PCNX3: variants seen among roughly 807,000 people sequenced by gnomAD.
PCNX3 encodes the protein pecanex-like protein 3.
A neutral mutation model predicts 207.2 loss-of-function variants in PCNX3; 58 were observed. The ratio of observed to expected loss-of-function variants is 0.28; its 90% CI spans 0.23 to 0.35. PCNX3 has a LOEUF of 0.35. PCNX3 is among the 10% of genes least tolerant of loss of function. PCNX3 has a pLI of 1.00. For synonymous variants in PCNX3, 1,337 were observed against 1,183.5 expected (o/e 1.13, Z -2.66); for missense variants, 2,410 against 2,774.4 (o/e 0.87, Z 2.95).
At position 65,618,735 on chromosome 11, in the gene PCNX3, C is replaced by G. The variant is rs1193851; in HGVS notation, c.1373C>G (p.Ser458Cys). ...SSTSCYSPESSRGAAGGPRKR... is the reference protein window; with the variant it reads ...SSTSCYSPESCRGAAGGPRKR... The stretch of plus-strand genomic sequence containing the variant: ...ACTTCCTGCTACTCCCCTGAGAGCT[C>G]CCGGGGTGCAGCAGGGGGACCCCGG... Residue 458 changes from serine to cysteine, a missense_variant, in exon 6 of 35, where the codon TCC becomes TGC. Physicochemically the swap from Ser to Cys is moderately radical, Grantham distance 112 (BLOSUM62 -1). This residue lies in a region of PCNX3 where 1,104 missense variants were observed against 970.3 expected (regional missense o/e 1.14). Coordinates refer to ENST00000355703, the MANE Select transcript of PCNX3 (RefSeq NM_032223.4). 0.32 allele frequency: 516,304 copies of G among 1,611,520 alleles called. 86,521 individuals are homozygous for G. The highest frequency in any genetic ancestry group is 0.35 in the Middle Eastern group (2,145 of 6,058).
chr11:65,625,595 T>A lies in PCNX3; in HGVS notation c.3136-57T>A. On this transcript the variant is annotated intron_variant, in intron 18 of 34. Coordinates refer to ENST00000355703, the MANE Select transcript of PCNX3 (RefSeq NM_032223.4). This position sits in a 1 kb window ranked among gnomAD's most constrained non-coding sequence, Gnocchi z 5.6. ...GAGGGGCATGTCCAGCTTGGGCTGC[T>A]GGGCAGCTGAGTGTCTCTCCTGGCC... 1 of 1,595,760 alleles carries A rather than the reference T, an allele frequency of 6.3e-7. No individual in the cohort carries two copies. Among genetic ancestry groups the A allele is most frequent in the East Asian group, 2.3e-5 (1 of 44,198 alleles).
Position 65,636,435 on chromosome 11 carries a change from C to A in PCNX3, c.5638C>A (p.Arg1880=), listed in dbSNP as rs374348174. ...PLPPGPGWGP[R]SSLSGSGDGR... The stretch of plus-strand genomic sequence containing the variant: ...CCCACCAGGCCCTGGCTGGGGGCCG[C>A]GGTCCTCCCTGAGTGGCTCTGGTGA... The change falls in exon 34 of 35, where the codon CGG becomes AGG. Residue 1880 remains arginine (R), a synonymous_variant. Coordinates refer to ENST00000355703, the MANE Select transcript of PCNX3 (RefSeq NM_032223.4). The A allele has an allele frequency of 3.9e-6, 6 of 1,555,204 alleles. No individual in the cohort carries two copies. Among genetic ancestry groups the A allele is most frequent in the Admixed American group, 3.9e-5 (2 of 50,788 alleles).
intron 27 of PCNX3, among the ~76,000 whole-genome samples, chr11:65,631,683 T>C (rs1439097710): frequency 6.6e-5 from 10 of 151,092 alleles, no homozygotes; most frequent in Non-Finnish European, 1.3e-4. Context: ...TTTTGAGGCT[T>C]GTGGTGCTCA....
chr11:65,636,211 G>A lies in PCNX3; in HGVS notation c.5497G>A (p.Gly1833Arg), dbSNP rs929040245. 3.2e-6 allele frequency: 5 copies of A among 1,583,202 alleles called. No homozygotes were observed. Among genetic ancestry groups the A allele is most frequent in the Admixed American group, 1.8e-5 (1 of 55,198 alleles). The change falls in exon 33 of 35, where the codon GGG becomes AGG. Residue 1833 changes from glycine to arginine, a missense_variant. Gly to Arg is a moderately radical substitution (Grantham distance 125). Around this residue, in one of 8 missense-constraint regions of PCNX3, gnomAD observed 59 missense variants for 83.9 expected, o/e 0.70. Coordinates refer to ENST00000355703, the MANE Select transcript of PCNX3 (RefSeq NM_032223.4). ...KGCGAGCNSG[G>R]NVDDSDCSGG... ...CTGTGGCGCCGGCTGCAATAGTGGCGGGAACGTGGATGATTCAGACTGTAG... is the reference window on the plus strand; with the variant it reads ...CTGTGGCGCCGGCTGCAATAGTGGCAGGAACGTGGATGATTCAGACTGTAG...
chr11:65,619,970 C>G lies in PCNX3; in HGVS notation c.2008+38C>G, dbSNP rs748208718. On this transcript the variant is annotated intron_variant, in intron 8 of 34. Transcript: ENST00000355703. ...CAAGCCCGGTGGCCCAGTGCCTCCC[C>G]GCCTTCCCCCAACAGCCTGAGTCCT... 7 of 1,555,410 alleles carry G rather than the reference C, an allele frequency of 4.5e-6. No individual in the cohort carries two copies. In the African/African-American group the frequency reaches 8.1e-5, roughly 18 times the overall value.
intron 8 of PCNX3, 97 bp downstream of exon 8, chr11:65,620,029 G>GTAC: frequency 7.8e-7 from 1 of 1,277,780 alleles, no homozygotes; most frequent in Non-Finnish European, 1.1e-6. Context: ...CCTGTGGCAG[G>GTAC]TACACTGCTA....
At chr11:65,630,785 C>T (rs1855587421) in intron 27 of PCNX3, among the ~76,000 whole-genome samples, 181 bp downstream of exon 27, 1 of 152,200 alleles carries the variant, frequency 6.6e-6, no homozygotes, top group African/African-American at 2.4e-5. Flanking sequence ...GCAGGGGCCT[C>T]TGTGCCCATA....
chr11:65,636,204 T>C lies in PCNX3; in HGVS notation c.5490T>C (p.Asn1830=), dbSNP rs558718651. 4 of 1,584,570 alleles carry C rather than the reference T, an allele frequency of 2.5e-6. No individual in the cohort carries two copies. In the East Asian group the frequency reaches 6.9e-5, roughly 27 times the overall value. Reference sequence around the variant, plus strand: ...ACAAGGGCTGTGGCGCCGGCTGCAATAGTGGCGGGAACGTGGATGATTCAG... The same window carrying C: ...ACAAGGGCTGTGGCGCCGGCTGCAACAGTGGCGGGAACGTGGATGATTCAG... ...RLHKGCGAGC[N]SGGNVDDSDC... Residue 1830 remains asparagine, a synonymous_variant, in exon 33 of 35, where the codon AAT becomes AAC. Coordinates refer to ENST00000355703, the MANE Select transcript of PCNX3 (RefSeq NM_032223.4).
chr11:65,634,359 C>G lies in PCNX3; in HGVS notation c.4701+3C>G. 1 of 1,573,596 alleles carries G rather than the reference C, an allele frequency of 6.4e-7. No homozygotes were observed. The highest frequency in any genetic ancestry group is 1.3e-5 in the African/African-American group (1 of 74,084). ...ACTGCGCCTCCCGGCGCAGCCAGGT[C>G]AGGCTCCACTACCTGAGGCTGCCAC... On this transcript the variant is annotated splice_donor_region_variant and intron_variant, in intron 28 of 34. Transcript: ENST00000355703.
rs1855791267 is a variant in PCNX3, at chr11:65,635,422, C to T, written c.5158C>T (p.Arg1720Cys). 5 of 1,611,552 alleles carry T rather than the reference C, an allele frequency of 3.1e-6. No homozygotes were observed. Among genetic ancestry groups the T allele is most frequent in the Non-Finnish European group, 3.4e-6 (4 of 1,179,628 alleles). The change falls in exon 31 of 35, where the codon CGC becomes TGC. Residue 1720 changes from arginine to cysteine, a missense_variant. Physicochemically the swap from Arg to Cys is radical, Grantham distance 180 (BLOSUM62 -3). Coordinates refer to ENST00000355703, the MANE Select transcript of PCNX3 (RefSeq NM_032223.4). This position sits in a 1 kb window ranked among gnomAD's most constrained non-coding sequence, Gnocchi z 9.9. Reference protein sequence around the residue: ...DEYKIIMLNRRHLSFRVIKVN... With the variant: ...DEYKIIMLNRCHLSFRVIKVN... ...GTACAAGATCATCATGCTCAACCGGCGCCACCTCAGCTTCCGAGTCATCAA... is the reference window on the plus strand; with the variant it reads ...GTACAAGATCATCATGCTCAACCGGTGCCACCTCAGCTTCCGAGTCATCAA...
Position 65,623,915 on chromosome 11 carries a change from C to T in PCNX3, c.2512-14C>T. Reference sequence around the variant, plus strand: ...CATCGGCTCTAGTTGCCAACGTAGCCCTGTCTCTTCCAGAGCGTGCAGCCT... The same window carrying T: ...CATCGGCTCTAGTTGCCAACGTAGCTCTGTCTCTTCCAGAGCGTGCAGCCT... On this transcript the variant is annotated splice_polypyrimidine_tract_variant and intron_variant, in intron 12 of 34. Transcript: ENST00000355703. 1 of 1,612,708 alleles carries T rather than the reference C, an allele frequency of 6.2e-7. No individual in the cohort carries two copies. The highest frequency in any genetic ancestry group is 8.5e-7 in the Non-Finnish European group (1 of 1,179,880).
chr11:65,622,192 T>C, intron 10 of PCNX3, 53 bp from the exon 11 acceptor site: 2 of 1,567,144 alleles, frequency 1.3e-6, no homozygotes, highest in South Asian at 2.3e-5. Flanking sequence ...CGGCCGCGGC[T>C]GTGGGGACTG....
rs370023718 is a variant in PCNX3, at chr11:65,627,383, G to A, written c.3525-22G>A. 3.2e-5 allele frequency: 51 copies of A among 1,602,408 alleles called. No homozygotes were observed. The South Asian group carries it at 4.4e-4, about 14-fold the overall frequency. On this transcript the variant is annotated intron_variant, in intron 21 of 34. Coordinates refer to ENST00000355703, the MANE Select transcript of PCNX3 (RefSeq NM_032223.4). ...TGCCCCGGTCCCCTACCAAGCACCC[G>A]ATGCCTGCCCCTTGCCCACAGCTGC...
chr11:65,617,459 T>C lies in PCNX3; in HGVS notation c.442-11T>C. The C allele has an allele frequency of 6.2e-7, 1 of 1,613,952 alleles. No homozygotes were observed. ...CCTTGTTTGTTCCTTCATGGCTCTC[T>C]GTCTACTCAGGAGCTGCTGCCCCGA... is the stretch of plus-strand genomic sequence containing the variant. On this transcript the variant is annotated splice_polypyrimidine_tract_variant and intron_variant, in intron 3 of 34. Coordinates refer to ENST00000355703, the MANE Select transcript of PCNX3 (RefSeq NM_032223.4).
rs1478564845 is a variant in PCNX3, at chr11:65,634,558, C to G, written c.4722C>G (p.Asn1574Lys). The G allele has an allele frequency of 3.7e-6, 6 of 1,600,866 alleles. No homozygotes were observed. In the East Asian group the frequency reaches 1.3e-4, roughly 36 times the overall value. ...RRSQPVDQDWNSPLVTLCFGL... is the reference protein window; with the variant it reads ...RRSQPVDQDWKSPLVTLCFGL... ...CACAGCCCGTGGACCAGGATTGGAA[C>G]TCCCCGCTGGTCACGCTGTGTTTTG... Residue 1574 changes from asparagine to lysine, a missense_variant, in exon 29 of 35, where the codon AAC (asparagine) becomes AAG (lysine). This residue lies in a region of PCNX3 where 420 missense variants were observed against 705.3 expected (regional missense o/e 0.60). Coordinates refer to ENST00000355703, the MANE Select transcript of PCNX3 (RefSeq NM_032223.4).
Position 65,617,481 on chromosome 11 carries a change from C to T in PCNX3, c.453C>T (p.Pro151=), listed in dbSNP as rs963288891. The T allele has an allele frequency of 2.5e-6, 4 of 1,613,878 alleles. No individual in the cohort carries two copies. The highest frequency in any genetic ancestry group is 2.7e-5 in the African/African-American group (2 of 74,974). ...CTCTGTCTACTCAGGAGCTGCTGCC[C>T]CGAATGGAGGACTCTGGGCCCCTTA... ...FGFNQVSELL[P]RMEDSGPLRD... Residue 151 remains proline (P), a synonymous_variant, in exon 4 of 35, where the codon CCC becomes CCT. Transcript: ENST00000355703.
At position 65,636,287 on chromosome 11, in the gene PCNX3, C is replaced by G; in HGVS notation, c.5573C>G (p.Pro1858Arg). ...AGCAATAACCCCCCCGTGGCACACC[C>G]CACACCTGAGAACACGGCAGGTGAG... ...SLSNNPPVAH[P>R]TPENTAGNGD... Residue 1858 changes from proline (P) to arginine (R), a missense_variant, in exon 33 of 35, where the codon CCC becomes CGC. Pro to Arg is a moderately radical substitution (Grantham distance 103). Coordinates refer to ENST00000355703, the MANE Select transcript of PCNX3 (RefSeq NM_032223.4). 1 of 1,608,658 alleles carries G rather than the reference C, an allele frequency of 6.2e-7. No individual in the cohort carries two copies. Among genetic ancestry groups the G allele is most frequent in the Non-Finnish European group, 8.5e-7 (1 of 1,177,478 alleles).
Position 65,616,851 on chromosome 11 carries a change from G to A in PCNX3, c.181G>A (p.Gly61Ser), listed in dbSNP as rs544487496. The A allele has an allele frequency of 1.9e-5, 31 of 1,613,400 alleles. No homozygotes were observed. In the African/African-American group the frequency reaches 2.7e-4, roughly 14 times the overall value. ...CCTGCCTCCCAGCTTGATGGTGGCC[G>A]GCGTGTACTGCCTCGTGGTGGCTGT... ...MVLPPSLMVA[G>S]VYCLVVAVIF... is the part of the protein sequence containing the mutation. Residue 61 changes from glycine (G) to serine (S), a missense_variant, in exon 2 of 35, where the codon GGC becomes AGC. This residue lies in a region of PCNX3 where 1,104 missense variants were observed against 970.3 expected (regional missense o/e 1.14). Transcript: ENST00000355703.
chr11:65,629,142 G>GA (rs1855519073), intron 24 of PCNX3, among the ~76,000 whole-genome samples, 194 bp downstream of exon 24: 1 of 152,188 alleles, frequency 6.6e-6, no homozygotes, highest in South Asian at 2.1e-4. Context: ...ACAGCTTGGG[G>GA]ATAGTGGGGT....
Sources: gnomAD v4.1 joint callset for allele counts (sites outside exome capture counted in the v4.1 genomes callset) on GRCh38, gnomAD v4.1.1 for gene constraint, gnomAD v4.1.1 regional missense constraint, Gnocchi (gnomAD v3.1) non-coding constraint, MANE v1.5 for transcripts, NCBI Gene and HGNC (gene_info 2026-07-23, HGNC 2026-07-21) for gene names.